The following STK31 variants were observed in gnomAD, a reference collection of about 807,000 sequenced individuals.
STK31 encodes the protein serine/threonine kinase 31, also known as serine/threonine-protein kinase 31.
A neutral mutation model predicts 129.7 loss-of-function variants in STK31; 89 were observed. The ratio of observed to expected loss-of-function variants is 0.69; its 90% CI spans 0.58 to 0.82. The LOEUF (loss-of-function observed/expected upper bound fraction) is 0.82. STK31 is among the 40% of genes least tolerant of loss of function. The pLI, the probability that STK31 is intolerant of heterozygous loss-of-function variation, is 0.00. For synonymous variants in STK31, 448 were observed against 395.3 expected (o/e 1.13, Z -1.58); for missense variants, 1,187 against 1,176.4 (o/e 1.01, Z -0.13).
In STK31 at chr7:23,771,068, C is replaced by A. The variant is rs755196083; in HGVS notation, c.1777C>A (p.His593Asn). ...ATATAGTCAAGTACTGCAAAAGATT[C>A]ATTCAGAGGAAAGGCTCATTGCCAC... ...NTYSQVLQKI[H>N]SEERLIATVQ... Residue 593 changes from histidine to asparagine, a missense_variant, in exon 14 of 24, where the codon CAT becomes AAT. His to Asn is a moderately conservative substitution (Grantham distance 68). Around this residue, in one of 5 missense-constraint regions of STK31, gnomAD observed 975 missense variants for 934.9 expected, o/e 1.04. Transcript: ENST00000355870. 6.2e-7 allele frequency: 1 copy of A among 1,612,912 alleles called. No individual in the cohort carries two copies. The highest frequency in any genetic ancestry group is 8.5e-7 in the Non-Finnish European group (1 of 1,179,348).
At chr7:23,800,794 T>C (rs2128120340) in intron 22 of STK31, among the ~76,000 whole-genome samples, 1 of 152,022 alleles carries the variant, frequency 6.6e-6, no homozygotes, top group Admixed American at 6.6e-5. Context: ...TAATATCATA[T>C]TAGTGGTATC....
At chr7:23,788,195 C>T in intron 21 of STK31, 66 bp downstream of exon 21, 1 of 1,365,272 alleles carries the variant, frequency 7.3e-7, no homozygotes, top group Non-Finnish European at 9.9e-7. Flanking sequence ...AGTAGTTCAG[C>T]ACTTATATAT....
chr7:23,715,543 C>T (rs1786261211), intron 3 of STK31, among the ~76,000 whole-genome samples: 1 of 151,776 alleles, frequency 6.6e-6, no homozygotes, highest in South Asian at 2.1e-4. Context: ...TTGCCTGGGC[C>T]CAGGAGATTG....
chr7:23,823,731 G>A (rs921604373), intron 23 of STK31, among the ~76,000 whole-genome samples: 1 of 152,166 alleles, frequency 6.6e-6, no homozygotes, highest in Non-Finnish European at 1.5e-5. Context: ...ATAGTTTTAG[G>A]TCTAACATGT....
chr7:23,780,509 A>G (rs544275543), intron 15 of STK31, among the ~76,000 whole-genome samples: 2 of 152,302 alleles, frequency 1.3e-5, no homozygotes, highest in South Asian at 2.1e-4. Flanking sequence ...ATGTGAGTAG[A>G]TAAGAGACAG....
intron 16 of STK31, among the ~76,000 whole-genome samples, chr7:23,782,627 G>C (rs1791009820): frequency 6.6e-6 from 1 of 152,084 alleles, no homozygotes; most frequent in African/African-American, 2.4e-5. Flanking sequence ...GCAATGATTT[G>C]ACAAGTGTTT....
intron 10 of STK31, among the ~76,000 whole-genome samples, chr7:23,761,630 G>T (rs1356414144): frequency 6.7e-6 from 1 of 150,368 alleles, no homozygotes; most frequent in Non-Finnish European, 1.5e-5. Context: ...CCATGGTCTC[G>T]ATCTCCTGAC....
chr7:23,718,659 G>C (rs1387514796), intron 4 of STK31, among the ~76,000 whole-genome samples: 4 of 152,058 alleles, frequency 2.6e-5, no homozygotes, highest in Non-Finnish European at 5.9e-5. Context: ...ATATTGTTGT[G>C]TGTATTAGTG....
chr7:23,770,201 C>G (rs1006960769), intron 13 of STK31, among the ~76,000 whole-genome samples: 1 of 152,076 alleles, frequency 6.6e-6, no homozygotes, highest in Non-Finnish European at 1.5e-5. Flanking sequence ...TTCTTTGTTA[C>G]AGTGTCAAGG....
intron 23 of STK31, among the ~76,000 whole-genome samples, chr7:23,815,755 C>G (rs942496045): frequency 1.3e-5 from 2 of 151,930 alleles, no homozygotes; most frequent in African/African-American, 4.8e-5. Context: ...ACATCATATG[C>G]TTGTATTAAA....
At chr7:23,734,164 C>T (rs1981796) in intron 6 of STK31, among the ~76,000 whole-genome samples, 141,323 of 152,282 alleles carry the variant, frequency 0.93, 66,075 homozygotes, top group East Asian at 1. Flanking sequence ...ATGTCCTGTT[C>T]GGTTTGCTTT....
At chr7:23,790,346 G>C (rs1039933158) in intron 21 of STK31, among the ~76,000 whole-genome samples, 3 of 152,164 alleles carry the variant, frequency 2.0e-5, no homozygotes, top group African/African-American at 7.2e-5. Context: ...GGAGAGTGGG[G>C]AATTGTAACC....
In STK31 at chr7:23,783,609, A is replaced by G. The variant is rs1236099436; in HGVS notation, c.2094A>G (p.Lys698=). 3 of 1,611,658 alleles carry G rather than the reference A, an allele frequency of 1.9e-6. No homozygotes were observed. Among genetic ancestry groups the G allele is most frequent in the African/African-American group, 2.7e-5 (2 of 74,890 alleles). The change falls in exon 17 of 24, where the codon AAA becomes AAG. Residue 698 remains lysine, a synonymous_variant. Coordinates refer to ENST00000355870, the MANE Select transcript of STK31 (RefSeq NM_031414.5). ...AGATGCTAACTAGTTTGGCACAGAA[A>G]TGGTTCCCTGAGCTGCCTCTGCTTC... is the stretch of plus-strand genomic sequence containing the variant. ...EYEMLTSLAQ[K]WFPELPLLHP...
chr7:23,824,192 A>G (rs1354516818), intron 23 of STK31, among the ~76,000 whole-genome samples: 1 of 152,112 alleles, frequency 6.6e-6, no homozygotes, highest in Non-Finnish European at 1.5e-5. Flanking sequence ...CTTGGGCAGT[A>G]TGGCCATTTT....
intron 17 of STK31, among the ~76,000 whole-genome samples, chr7:23,784,060 T>A (rs959689453): frequency 4.6e-5 from 7 of 152,164 alleles, no homozygotes; most frequent in East Asian, 1.9e-4. Flanking sequence ...TGGGAAAAAA[T>A]TCTAGAGAGG....
intron 15 of STK31, among the ~76,000 whole-genome samples, chr7:23,777,818 G>A (rs1163758336): frequency 6.6e-6 from 1 of 152,026 alleles, no homozygotes; most frequent in South Asian, 2.1e-4. Context: ...TTTAATTGGG[G>A]CATTTCACCT....
chr7:23,816,624 G>A lies in STK31; in HGVS notation c.2829+1412G>A, dbSNP rs532784053. ...TGAGGACCTCAGTTGTTCTCTAGTT[G>A]TTGGCCAGAGGTTGCCCTCAATCCT... On this transcript the variant is annotated intron_variant, in intron 23 of 23. Coordinates refer to ENST00000355870, the MANE Select transcript of STK31 (RefSeq NM_031414.5). 4.0e-5 allele frequency among the ~76,000 whole-genome samples: 6 copies of A among 151,392 alleles called. No homozygotes were observed. In the South Asian group the frequency reaches 1.0e-3, roughly 26 times the overall value.
In STK31 at chr7:23,739,880, T is replaced by G. The variant is rs569850278; in HGVS notation, c.1017+2802T>G. ...CATGCTGTTTTGGTTACTGTAGCCT[T>G]GTAGTATAGTTTGAAGTCAGATAGC... On this transcript the variant is annotated intron_variant, in intron 8 of 23. Transcript: ENST00000355870. Among the ~76,000 whole-genome samples, 6 of 152,334 alleles carry G rather than the reference T, an allele frequency of 3.9e-5. No homozygotes were observed. The South Asian group carries it at 1.2e-3, about 32-fold the overall frequency.
chr7:23,710,191 G>A, upstream of STK31: 2 of 1,600,702 alleles, frequency 1.2e-6, no homozygotes, highest in African/African-American at 1.3e-5. Flanking sequence ...GCGCAGCGCT[G>A]TGCACGCAGG....
Sources: allele counts gnomAD v4.1 joint callset (sites outside exome capture counted in the v4.1 genomes callset), GRCh38; gene constraint gnomAD v4.1.1; regional missense constraint gnomAD v4.1.1; transcripts MANE v1.5; gene names NCBI Gene and HGNC (gene_info 2026-07-23, HGNC 2026-07-21).